The following ANO7 variants were observed in gnomAD, a reference collection of about 807,000 sequenced individuals.
ANO7 encodes the protein anoctamin-7.
In ANO7, 114 loss-of-function variants were observed where a neutral mutation model predicts 115.8. The observed-to-expected ratio is 0.98, with a 90% confidence interval of 0.85 to 1.15. The LOEUF is 1.15. Among genes scored for constraint, ANO7 ranks in the 50% most tolerant of loss-of-function variants. The pLI, the probability that ANO7 is intolerant of heterozygous loss-of-function variation, is 0.00. For synonymous variants in ANO7, 550 were observed against 498.2 expected (o/e 1.10, Z -1.38); for missense variants, 1,302 against 1,201.2 (o/e 1.08, Z -1.24).
At chr2:241,190,309 G>C in intron 2 of ANO7, 138 bp downstream of exon 2, 1 of 697,362 alleles carries the variant, frequency 1.4e-6, no homozygotes, top group South Asian at 1.9e-5. Context: ...CAACCCCCAA[G>C]CCCTCGCCAC....
intron 21 of ANO7, 23 bp downstream of exon 21, chr2:241,218,404 G>A: frequency 7.7e-7 from 1 of 1,307,040 alleles, no homozygotes; most frequent in South Asian, 2.1e-5. Flanking sequence ...CCAGGTGGAG[G>A]GGGCCGCGGG....
At chr2:241,216,360 G>A (rs201956259) in intron 19 of ANO7, 122 bp downstream of exon 19, 3 of 1,303,752 alleles carry the variant, frequency 2.3e-6, no homozygotes, top group Non-Finnish European at 3.1e-6. Flanking sequence ...AATGTGCTGT[G>A]GGGGTGGGGT....
At chr2:241,201,834 A>C (rs528306450) in intron 7 of ANO7, among the ~76,000 whole-genome samples, 2 of 49,238 alleles carry the variant, frequency 4.1e-5, no homozygotes, top group South Asian at 9.4e-4. Context: ...CACACCCTGG[A>C]CACAGCTGCC....
intron 19 of ANO7, among the ~76,000 whole-genome samples, chr2:241,217,429 G>A (rs1286563005): frequency 2.0e-5 from 3 of 152,242 alleles, no homozygotes; most frequent in Non-Finnish European, 2.9e-5. Flanking sequence ...GTTAGTTCCT[G>A]AGCTCACCGA....
chr2:241,200,363 C>T (rs1169556704), intron 6 of ANO7, 138 bp downstream of exon 6: 20 of 1,191,428 alleles, frequency 1.7e-5, no homozygotes, highest in South Asian at 1.3e-4. Context: ...CAGGTGCGCA[C>T]GCTTATCGCG....
chr2:241,218,406 G>A (rs1316952643), intron 21 of ANO7, 25 bp downstream of exon 21: 10 of 1,304,756 alleles, frequency 7.7e-6, no homozygotes, highest in Non-Finnish European at 9.8e-6. Context: ...AGGTGGAGGG[G>A]GCCGCGGGCG....
At position 241,223,723 on chromosome 2, in the gene ANO7, T is replaced by C; in HGVS notation, c.2474T>C (p.Val825Ala). The change falls in exon 23 of 25, where the codon GTG (valine) becomes GCG (alanine). Residue 825 changes from valine (V) to alanine (A), a missense_variant. By Grantham distance (64) the Val-to-Ala change is moderately conservative (BLOSUM62 0). Coordinates refer to ENST00000674324, the MANE Select transcript of ANO7 (RefSeq NM_001370694.2). ...DLLVPDIPES[V>A]EIKVKREYYL... is the part of the protein sequence containing the mutation. ...CTGGTGCCTGACATCCCAGAGTCTG[T>C]GGAGATCAAAGTGAAGCGGGAGTAC... The C allele has an allele frequency of 6.2e-7, 1 of 1,614,124 alleles. No homozygotes were observed. The highest frequency in any genetic ancestry group is 1.1e-5 in the South Asian group (1 of 91,084).
At position 241,188,827 on chromosome 2, in the gene ANO7, AGGCAGGGC is replaced by A; in HGVS notation, c.-8+66_-8+73del. 1 of 1,567,736 alleles carries A rather than the reference AGGCAGGGC, an allele frequency of 6.4e-7. No homozygotes were observed. Among genetic ancestry groups the A allele is most frequent in the Non-Finnish European group, 8.7e-7 (1 of 1,153,880 alleles). On this transcript the variant is annotated intron_variant, in intron 1 of 24. Transcript: ENST00000674324. This position sits in a 1 kb window ranked among gnomAD's most constrained non-coding sequence, Gnocchi z 4.3. Reference sequence around the variant, plus strand: ...GAAGGTGGAGCGTTGGACTCTAGGGAGGCAGGGCGGCACCCCAGCCCACCGGGACTTTC... The same window carrying A: ...GAAGGTGGAGCGTTGGACTCTAGGGAGGCACCCCAGCCCACCGGGACTTTC...
At chr2:241,212,456 A>C in intron 16 of ANO7, 116 bp from the exon 17 acceptor site, 1 of 1,181,678 alleles carries the variant, frequency 8.5e-7, no homozygotes, top group Non-Finnish European at 1.2e-6. Flanking sequence ...TCTACGCCAC[A>C]GTTCGTGCTT....
downstream of ANO7, among the ~76,000 whole-genome samples, chr2:241,226,003 A>T (rs745747774): frequency 1.1e-4 from 17 of 152,182 alleles, no homozygotes; most frequent in Admixed American, 2.0e-4. Context: ...ATTGAAACGT[A>T]CGAAAATGCT....
At chr2:241,230,944 G>A (rs750917763), downstream of ANO7, 4 of 1,611,664 alleles carry the variant, frequency 2.5e-6, no homozygotes, top group South Asian at 4.4e-5. The surrounding 1 kb of genome is among the most constrained non-coding windows in gnomAD (Gnocchi z 5.0). Context: ...TGGTCCTGGG[G>A]CTAAAAAAGG....
chr2:241,216,978 C>T (rs2068846069), intron 19 of ANO7, among the ~76,000 whole-genome samples: 3 of 152,150 alleles, frequency 2.0e-5, no homozygotes, highest in South Asian at 2.1e-4. Context: ...GGATTACAGG[C>T]GCCCACCACC....
intron 4 of ANO7, among the ~76,000 whole-genome samples, chr2:241,197,652 T>C (rs1410316039): frequency 4.0e-4 from 7 of 17,328 alleles, no homozygotes; most frequent in East Asian, 1.1e-3. Flanking sequence ...TCACCTGCCC[T>C]TTTTTTTTTT....
rs1159107329 is a variant in ANO7 at position 241,205,306 on chromosome 2, G to T, written c.980+351G>T. 1.3e-4 allele frequency among the ~76,000 whole-genome samples: 20 copies of T among 149,244 alleles called. No individual in the cohort carries two copies. In the East Asian group the frequency reaches 3.7e-3, roughly 27 times the overall value. ...GACAGGTAGTCAGGAGTGCTCCCAG[G>T]CTGGCACCGGTGGATAGGAGTGCTC... On this transcript the variant is annotated intron_variant, in intron 10 of 24. Coordinates refer to ENST00000674324, the MANE Select transcript of ANO7 (RefSeq NM_001370694.2).
In ANO7 at chr2:241,214,381, C is replaced by T. The variant is rs775488943; in HGVS notation, c.1729-424C>T. ...TCTGGAGGGAAGGTGCCCTGCAGTG[C>T]GGCCGACACTCTCGGACTTAGCACC... On this transcript the variant is annotated intron_variant, in intron 17 of 24. Transcript: ENST00000674324. Among the ~76,000 whole-genome samples the T allele has an allele frequency of 4.9e-4, 74 of 152,284 alleles. No individual in the cohort carries two copies. In the Middle Eastern group the frequency reaches 0.014, roughly 28 times the overall value.
At position 241,218,212 on chromosome 2, in the gene ANO7, C is replaced by A. The variant is rs1464087105; in HGVS notation, c.2179-27C>A. 6.6e-6 allele frequency: 9 copies of A among 1,372,424 alleles called. No homozygotes were observed. The African/African-American group carries it at 1.1e-4, about 17-fold the overall frequency. The allele number at this position is 1,372,424 out of a possible 1,614,324, so 85.0% of individuals were successfully genotyped here. A position where few individuals can be genotyped will look rare whatever the true frequency, so the allele number is the denominator to read the frequency against. The stretch of plus-strand genomic sequence containing the variant: ...GCGCGCAGGGGCGGAGCGGGGGCCG[C>A]CTCGCGCTGACCCCTCCGGCGCCCA... On this transcript the variant is annotated intron_variant, in intron 20 of 24. Coordinates refer to ENST00000674324, the MANE Select transcript of ANO7 (RefSeq NM_001370694.2).
chr2:241,193,352 G>T (rs2068249169), intron 3 of ANO7, among the ~76,000 whole-genome samples: 1 of 152,146 alleles, frequency 6.6e-6, no homozygotes, highest in Non-Finnish European at 1.5e-5. Flanking sequence ...TTATAAGTGT[G>T]AGCCGCCACG....
At chr2:241,217,500 G>A (rs566677790) in intron 19 of ANO7, 186 bp from the exon 20 acceptor site, 3 of 652,556 alleles carry the variant, frequency 4.6e-6, no homozygotes, top group South Asian at 2.0e-5. Context: ...GCCGGCCTGA[G>A]GCCGGTCAGG....
At chr2:241,212,804 T>C (rs2068745042) in intron 17 of ANO7, 178 bp downstream of exon 17, 1 of 639,874 alleles carries the variant, frequency 1.6e-6, no homozygotes, top group Non-Finnish European at 2.7e-6. Flanking sequence ...TCACCACTTA[T>C]TCTGACCCCC....
Sources: allele counts gnomAD v4.1 joint callset (sites outside exome capture counted in the v4.1 genomes callset), GRCh38; gene constraint gnomAD v4.1.1; non-coding constraint Gnocchi (gnomAD v3.1); transcripts MANE v1.5; gene names NCBI Gene and HGNC (gene_info 2026-07-23, HGNC 2026-07-21).